CDK14: variants seen among roughly 807,000 people sequenced by gnomAD.
The protein encoded by CDK14 is cyclin dependent kinase 14.
A neutral mutation model predicts 60.7 loss-of-function variants in CDK14; 34 were observed. The observed-to-expected ratio is 0.56, with a 90% CI of 0.43 to 0.75. CDK14 has a LOEUF of 0.75. CDK14 is among the 30% of genes least tolerant of loss of function. CDK14 has a pLI of 0.00. For missense variants in CDK14, 482 were observed against 564.1 expected, an observed-to-expected ratio of 0.85 and a Z score of 1.47; for synonymous variants, 197 against 203.7, an observed-to-expected ratio of 0.97 and a Z score of 0.28.
At chr7:90,877,030 A>G (rs1467862888) in intron 6 of CDK14, among the ~76,000 whole-genome samples, 1 of 152,180 alleles carries the variant, frequency 6.6e-6, no homozygotes, top group Non-Finnish European at 1.5e-5. Flanking sequence ...ATGGCTGTCA[A>G]TTGGCTGGTT....
intron 7 of CDK14, among the ~76,000 whole-genome samples, chr7:90,899,744 G>T (rs555965724): frequency 1.3e-5 from 2 of 152,070 alleles, no homozygotes; most frequent in African/African-American, 2.4e-5. Context: ...TGTTATGGTG[G>T]GTTCACAGTG....
chr7:90,802,031 G>A lies in CDK14; in HGVS notation c.544+11379G>A, dbSNP rs569659621. 1.4e-4 allele frequency among the ~76,000 whole-genome samples: 22 copies of A among 152,296 alleles called. 1 individual carries two copies. The South Asian group carries it at 4.1e-3, about 29-fold the overall frequency. On this transcript the variant is annotated intron_variant, in intron 5 of 14. Coordinates refer to ENST00000380050, the MANE Select transcript of CDK14 (RefSeq NM_001287135.2). ...GAGAGAGTGGGCACAGATGGGAAGAGGGGCTCCTGGGACATAACCTCCTTC... is the reference window on the plus strand; with the variant it reads ...GAGAGAGTGGGCACAGATGGGAAGAAGGGCTCCTGGGACATAACCTCCTTC...
At chr7:90,922,731 A>G (rs1380100398) in intron 8 of CDK14, among the ~76,000 whole-genome samples, 1 of 152,196 alleles carries the variant, frequency 6.6e-6, no homozygotes, top group Non-Finnish European at 1.5e-5. Context: ...TTCAAGGGGA[A>G]TGATAATGAC....
intron 14 of CDK14, among the ~76,000 whole-genome samples, chr7:91,145,901 G>A (rs1490271719): frequency 6.7e-6 from 1 of 149,972 alleles, no homozygotes; most frequent in Non-Finnish European, 1.5e-5. Context: ...AAACTTCAAA[G>A]GGATTAACCT....
chr7:90,665,978 C>A (rs1187729393), intron 2 of CDK14, among the ~76,000 whole-genome samples: 1 of 152,134 alleles, frequency 6.6e-6, no homozygotes, highest in African/African-American at 2.4e-5. Context: ...TCTGTTTAGT[C>A]CTTCAGTGGC....
intron 5 of CDK14, among the ~76,000 whole-genome samples, chr7:90,816,150 A>T (rs1158265314): frequency 6.6e-6 from 1 of 152,210 alleles, no homozygotes; most frequent in Non-Finnish European, 1.5e-5. Flanking sequence ...GTCATGGCAG[A>T]CATGGGATTT....
chr7:90,922,734 A>T (rs1310914712), intron 8 of CDK14, among the ~76,000 whole-genome samples: 2 of 152,202 alleles, frequency 1.3e-5, no homozygotes, highest in African/African-American at 2.4e-5. Flanking sequence ...AAGGGGAATG[A>T]TAATGACATC....
intron 8 of CDK14, among the ~76,000 whole-genome samples, chr7:90,920,922 T>C (rs1793229691): frequency 6.6e-6 from 1 of 150,944 alleles, no homozygotes; most frequent in African/African-American, 2.4e-5. Flanking sequence ...TTCCAGGTAG[T>C]CAAAATGCTG....
chr7:90,982,720 C>A (rs1795263683), intron 9 of CDK14, among the ~76,000 whole-genome samples: 1 of 152,102 alleles, frequency 6.6e-6, no homozygotes, highest in Non-Finnish European at 1.5e-5. Flanking sequence ...TTGGTTTCCA[C>A]TCTTTTCTGA....
chr7:91,107,308 C>G (rs908807521), intron 12 of CDK14: 3 of 152,168 alleles, frequency 2.0e-5, no homozygotes, highest in African/African-American at 7.2e-5. Flanking sequence ...TGCTTTTTAA[C>G]TAACATAACT....
intron 2 of CDK14, among the ~76,000 whole-genome samples, chr7:90,716,609 G>A (rs983023479): frequency 6.6e-6 from 1 of 151,926 alleles, no homozygotes; most frequent in African/African-American, 2.4e-5. Flanking sequence ...CCAATTCCAT[G>A]GTTGTTTAAA....
At chr7:91,206,116 A>G (rs1345927852) in intron 14 of CDK14, among the ~76,000 whole-genome samples, 4 of 152,162 alleles carry the variant, frequency 2.6e-5, no homozygotes, top group East Asian at 1.9e-4. Flanking sequence ...GTTCCTGAGC[A>G]TAGGAGTGGA....
At chr7:91,127,709 C>A (rs1799996062) in intron 14 of CDK14, among the ~76,000 whole-genome samples, 1 of 151,952 alleles carries the variant, frequency 6.6e-6, no homozygotes, top group South Asian at 2.1e-4. Context: ...TCATTGCTGC[C>A]TACATGTCAA....
At chr7:91,152,520 G>A (rs1800854311) in intron 14 of CDK14, among the ~76,000 whole-genome samples, 1 of 152,134 alleles carries the variant, frequency 6.6e-6, no homozygotes, top group Admixed American at 6.6e-5. Flanking sequence ...GTTGCTTCCA[G>A]AATTTTCTTC....
At chr7:90,906,833 T>C (rs1490831631) in intron 7 of CDK14, among the ~76,000 whole-genome samples, 1 of 152,082 alleles carries the variant, frequency 6.6e-6, no homozygotes, top group Non-Finnish European at 1.5e-5. Context: ...TTGTACTAAT[T>C]CTCAGCAAAA....
rs1409346842 is a variant in CDK14, at chr7:91,045,978, C to G, written c.1105+18C>G. Reference sequence around the variant, plus strand: ...TAAGCCAGGTATGTTTCATTAATTACAGATGACTAGGTGCTTCCTATATGC... The same window carrying G: ...TAAGCCAGGTATGTTTCATTAATTAGAGATGACTAGGTGCTTCCTATATGC... On this transcript the variant is annotated intron_variant, in intron 11 of 14. Transcript: ENST00000380050. 3 of 1,526,502 alleles carry G rather than the reference C, an allele frequency of 2.0e-6. No homozygotes were observed. Among genetic ancestry groups the G allele is most frequent in the Non-Finnish European group, 2.7e-6 (3 of 1,100,486 alleles). 94.6% of individuals were successfully genotyped at this position (1,526,502 alleles called of 1,614,324 possible). A position where few individuals can be genotyped will look rare whatever the true frequency, so the allele number is the denominator to read the frequency against.
chr7:90,970,575 T>G (rs967415152), intron 9 of CDK14, among the ~76,000 whole-genome samples: 6 of 152,240 alleles, frequency 3.9e-5, no homozygotes, highest in African/African-American at 1.4e-4. Flanking sequence ...GAGATGCAGT[T>G]TCTGATTCTG....
intron 10 of CDK14, among the ~76,000 whole-genome samples, chr7:91,012,107 C>A (rs1332159601): frequency 6.6e-6 from 1 of 152,106 alleles, no homozygotes; most frequent in Non-Finnish European, 1.5e-5. Flanking sequence ...CTGTTTCAGC[C>A]TTTTGGTCTT....
At chr7:90,819,713 C>G (rs1789475931) in intron 5 of CDK14, among the ~76,000 whole-genome samples, 1 of 152,048 alleles carries the variant, frequency 6.6e-6, no homozygotes, top group Non-Finnish European at 1.5e-5. Flanking sequence ...AGCCTTCCTC[C>G]AGTAGGAAGA....
Sources: allele counts gnomAD v4.1 joint callset (sites outside exome capture counted in the v4.1 genomes callset), GRCh38; gene constraint gnomAD v4.1.1; transcripts MANE v1.5; gene names NCBI Gene and HGNC (gene_info 2026-07-23, HGNC 2026-07-21).